Variants in RBFOX1 observed in about 807,000 individuals in gnomAD.
RBFOX1 encodes RNA binding fox-1 homolog 1.
RBFOX1 carries 8 observed loss-of-function variants against 57.7 expected under a neutral mutation model. The observed-to-expected ratio is 0.14, with a 90% CI of 0.08 to 0.25. RBFOX1 has a LOEUF of 0.25. Ranked by LOEUF, RBFOX1 falls within the 10% of genes least tolerant of loss-of-function variation. RBFOX1 has a pLI of 1.00. For synonymous variants in RBFOX1, 326 were observed against 222.4 expected (o/e 1.47, Z -4.15); for missense variants, 611 against 548.5 (o/e 1.11, Z -1.14).
At chr16:7,707,489 C>T (rs139158599) in intron 14 of RBFOX1, among the ~76,000 whole-genome samples, 19 of 152,260 alleles carry the variant, frequency 1.2e-4, no homozygotes, top group Non-Finnish European at 2.8e-4. Flanking sequence ...CAAACCATTT[C>T]TTCCACCAGC....
chr16:6,347,261 A>G (rs1324281262), intron 2 of RBFOX1, among the ~76,000 whole-genome samples: 2 of 152,206 alleles, frequency 1.3e-5, no homozygotes, highest in Non-Finnish European at 2.9e-5. Flanking sequence ...TAATGTAGAC[A>G]GTGAACGGGA....
chr16:5,804,360 T>C lies in RBFOX1; in HGVS notation c.319-62943T>C, dbSNP rs564179681. On this transcript the variant is annotated intron_variant, in intron 3 of 19. Transcript: ENST00000641259. Reference sequence around the variant, plus strand: ...GAATACACAAGTGAATACATAAACTTAGTTTATTGGTGGTAGTGACAGAGT... The same window carrying C: ...GAATACACAAGTGAATACATAAACTCAGTTTATTGGTGGTAGTGACAGAGT... Among the ~76,000 whole-genome samples the C allele has an allele frequency of 1.5e-3, 236 of 152,276 alleles. 2 individuals are homozygous for C. In the Middle Eastern group the frequency reaches 0.027, roughly 18 times the overall value.
chr16:6,399,523 A>G (rs9939306), intron 2 of RBFOX1, among the ~76,000 whole-genome samples: 111,882 of 151,998 alleles, frequency 0.74, 41,937 homozygotes, highest in African/African-American at 0.88. Context: ...CACCTCAGCC[A>G]GGACTTCATT....
At chr16:7,478,946 C>A (rs560772021) in intron 4 of RBFOX1, among the ~76,000 whole-genome samples, 1 of 151,918 alleles carries the variant, frequency 6.6e-6, no homozygotes, top group African/African-American at 2.4e-5. Context: ...CGTTTGTTCC[C>A]GTGCGGACCG....
At position 6,890,611 on chromosome 16, in the gene RBFOX1, C is replaced by T. The variant is rs1199786298; in HGVS notation, c.-15-161446C>T. 2.6e-5 allele frequency among the ~76,000 whole-genome samples: 4 copies of T among 152,254 alleles called. No individual in the cohort carries two copies. The East Asian group carries it at 7.8e-4, about 30-fold the overall frequency. On this transcript the variant is annotated intron_variant, in intron 3 of 15. Transcript: ENST00000550418. ...TTTAAGGAATCATTGCTTTGGTTAT[C>T]GTTTATTGTGTTGGTGTTTGTAACA...
intron 3 of RBFOX1, among the ~76,000 whole-genome samples, chr16:6,889,834 C>G (rs757964654): frequency 1.3e-5 from 2 of 152,210 alleles, no homozygotes; most frequent in Non-Finnish European, 1.5e-5. Flanking sequence ...TTCACAGACA[C>G]AGCAGGAAAC....
intron 3 of RBFOX1, among the ~76,000 whole-genome samples, chr16:6,797,727 A>C (rs1162859110): frequency 6.6e-6 from 1 of 152,160 alleles, no homozygotes; most frequent in African/African-American, 2.4e-5. Context: ...TGGTGTTTCC[A>C]AACCACGTTG....
At chr16:5,707,053 C>A (rs946617285) in intron 3 of RBFOX1, among the ~76,000 whole-genome samples, 13 of 152,162 alleles carry the variant, frequency 8.5e-5, no homozygotes, top group African/African-American at 3.1e-4. Flanking sequence ...GAGCACCCAT[C>A]CAGGGGTGTC....
chr16:7,282,057 CAG>C (rs943965722), intron 4 of RBFOX1, among the ~76,000 whole-genome samples: 1 of 151,784 alleles, frequency 6.6e-6, no homozygotes, highest in African/African-American at 2.4e-5. Context: ...TTTGTAGAGA[CAG>C]GGTTTCTATT....
chr16:6,886,560 C>G (rs747204951), intron 3 of RBFOX1, among the ~76,000 whole-genome samples: 1 of 151,798 alleles, frequency 6.6e-6, no homozygotes, highest in Non-Finnish European at 1.5e-5. Flanking sequence ...TGAGACTAGC[C>G]TGGTCTACAT....
At chr16:5,682,224 T>G (rs2050363453) in intron 3 of RBFOX1, among the ~76,000 whole-genome samples, 1 of 152,230 alleles carries the variant, frequency 6.6e-6, no homozygotes, top group Admixed American at 6.5e-5. Context: ...AATAAATGCA[T>G]CATGCCTTGC....
intron 3 of RBFOX1, among the ~76,000 whole-genome samples, chr16:6,777,458 T>C (rs1351707544): frequency 6.6e-6 from 1 of 152,166 alleles, no homozygotes; most frequent in East Asian, 1.9e-4. Flanking sequence ...AGTTTTCAGC[T>C]GCATGTAAAC....
intron 2 of RBFOX1, among the ~76,000 whole-genome samples, chr16:6,342,072 G>A (rs1269245994): frequency 1.3e-5 from 2 of 152,162 alleles, no homozygotes; most frequent in Non-Finnish European, 2.9e-5. Context: ...GCCTAGCACA[G>A]GGCACAGTAA....
chr16:6,289,449 C>G (rs1209352097), intron 1 of RBFOX1, among the ~76,000 whole-genome samples: 1 of 152,096 alleles, frequency 6.6e-6, no homozygotes, highest in African/African-American at 2.4e-5. Context: ...CAGTCATCAT[C>G]CTAATCATTC....
intron 4 of RBFOX1, among the ~76,000 whole-genome samples, chr16:7,471,648 G>T: frequency 6.6e-6 from 1 of 152,146 alleles, no homozygotes; most frequent in East Asian, 1.9e-4. Flanking sequence ...ATGCACATTA[G>T]ATCAAAAAAT....
At chr16:7,040,312 C>T (rs754280640) in intron 3 of RBFOX1, among the ~76,000 whole-genome samples, 6 of 152,040 alleles carry the variant, frequency 3.9e-5, no homozygotes, top group Non-Finnish European at 8.8e-5. Flanking sequence ...AGCCACCGTG[C>T]CCGGCTGAGT....
intron 11 of RBFOX1, among the ~76,000 whole-genome samples, chr16:7,648,369 T>C (rs896786831): frequency 2.0e-5 from 3 of 152,024 alleles, no homozygotes; most frequent in African/African-American, 4.8e-5. Flanking sequence ...GGACTACAGA[T>C]GCATACCACC....
chr16:6,808,111 G>A (rs1294734999), intron 3 of RBFOX1, among the ~76,000 whole-genome samples: 4 of 147,190 alleles, frequency 2.7e-5, no homozygotes, highest in Non-Finnish European at 5.9e-5. Flanking sequence ...TATATAGGAT[G>A]TAGCAATATG....
chr16:6,914,107 G>C (rs1293011847), intron 3 of RBFOX1, among the ~76,000 whole-genome samples: 2 of 152,134 alleles, frequency 1.3e-5, no homozygotes, highest in Admixed American at 6.5e-5. Context: ...TAAAACATTT[G>C]GAATGATACC....
Sources: gnomAD v4.1 joint callset for allele counts (sites outside exome capture counted in the v4.1 genomes callset) on GRCh38, gnomAD v4.1.1 for gene constraint, MANE v1.5 for transcripts, NCBI Gene and HGNC (gene_info 2026-07-23, HGNC 2026-07-21) for gene names.